The following CIAO3 variants were observed in gnomAD, a reference collection of about 807,000 sequenced individuals.
CIAO3 encodes cytosolic iron-sulfur assembly component 3, also known as LET1 like/JFP15.
In CIAO3, 45 loss-of-function variants were observed where a neutral mutation model predicts 51.5. The observed-to-expected ratio is 0.87, with a 90% confidence interval of 0.69 to 1.12. The LOEUF is 1.12. CIAO3 is among the 50% of genes most tolerant of loss of function. The pLI is 0.00. For synonymous variants in CIAO3, 314 were observed against 269.3 expected (o/e 1.17, Z -1.63); for missense variants, 668 against 632.5 (o/e 1.06, Z -0.60).
intron 3 of CIAO3, 67 bp from the exon 4 acceptor site, chr16:736,465 G>A (rs914713854): frequency 5.8e-5 from 93 of 1,595,000 alleles, no homozygotes; most frequent in Admixed American, 2.4e-4. Flanking sequence ...GGCCAGAGCC[G>A]CACGGTGAGA....
chr16:737,498 G>A lies in CIAO3; in HGVS notation c.163-169C>T, dbSNP rs1008339325. On this transcript the variant is annotated intron_variant, in intron 2 of 10. Coordinates refer to ENST00000251588, the MANE Select transcript of CIAO3 (RefSeq NM_022493.3). The surrounding 1 kb of genome is among the most constrained non-coding windows in gnomAD (Gnocchi z 5.3). ...ATGTATTACAAAAATGCACACGCAC[G>A]CTCTACAGTTTCATAATGCCGTCAA... is the stretch of plus-strand genomic sequence containing the variant. 52 of 1,521,032 alleles carry A rather than the reference G, an allele frequency of 3.4e-5. No homozygotes were observed. The highest frequency in any genetic ancestry group is 1.0e-4 in the Admixed American group (5 of 49,550). The allele number at this position is 1,521,032 out of a possible 1,614,324, so 94.2% of individuals were successfully genotyped here. A position where few individuals can be genotyped will look rare whatever the true frequency, so the allele number is the denominator to read the frequency against.
chr16:731,735 G>A (rs922421409), intron 8 of CIAO3, 33 bp from the exon 9 acceptor site: 2 of 1,512,562 alleles, frequency 1.3e-6, no homozygotes, highest in Admixed American at 4.1e-5. Context: ...AGCACAGCTG[G>A]GGCTGCTGCC....
chr16:735,819 C>T (rs1456047810), intron 4 of CIAO3, among the ~76,000 whole-genome samples: 1 of 152,176 alleles, frequency 6.6e-6, no homozygotes, highest in East Asian at 1.9e-4. Flanking sequence ...GTGAAAGGCA[C>T]ACAGTAACCA....
rs553064085 is a variant in CIAO3 at position 736,643 on chromosome 16, G to A, written c.307-245C>T. 1.3e-3 allele frequency among the ~76,000 whole-genome samples: 195 copies of A among 152,134 alleles called. 1 individual carries two copies. Among genetic ancestry groups the A allele is most frequent in the African/African-American group, 4.5e-3 (187 of 41,488 alleles). ...AGCCTCCTGGGTAGATGGGATTACA[G>A]GCGTGAACCACCGTGCCTGGCCAAG... On this transcript the variant is annotated intron_variant, in intron 3 of 10. Coordinates refer to ENST00000251588, the MANE Select transcript of CIAO3 (RefSeq NM_022493.3).
intron 9 of CIAO3, 142 bp downstream of exon 9, chr16:731,422 TG>T: frequency 1.7e-6 from 2 of 1,208,940 alleles, no homozygotes; most frequent in Non-Finnish European, 2.2e-6. Context: ...GGGCCCTGCC[TG>T]GCCCCAGGGT....
At position 740,692 on chromosome 16, in the gene CIAO3, C is replaced by T. The variant is rs868864978; in HGVS notation, c.66+228G>A. On this transcript the variant is annotated intron_variant, in intron 1 of 10. Transcript: ENST00000251588. ...GCCCGGACACCATGGGGCACAGGAGCGGGTTGGGGGGCGCCGCCCTCCCTG... is the reference window on the plus strand; with the variant it reads ...GCCCGGACACCATGGGGCACAGGAGTGGGTTGGGGGGCGCCGCCCTCCCTG... 10 of 549,538 alleles carry T rather than the reference C, an allele frequency of 1.8e-5. No homozygotes were observed. In the South Asian group the frequency reaches 2.1e-4, roughly 12 times the overall value. 34.0% of individuals were successfully genotyped at this position (549,538 alleles called of 1,614,324 possible). A position where few individuals can be genotyped will look rare whatever the true frequency, so the allele number is the denominator to read the frequency against.
Position 737,132 on chromosome 16 carries a change from C to T in CIAO3, c.306+54G>A. 6.2e-7 allele frequency: 1 copy of T among 1,604,310 alleles called. No individual in the cohort carries two copies. Among genetic ancestry groups the T allele is most frequent in the South Asian group, 1.1e-5 (1 of 90,936 alleles). On this transcript the variant is annotated intron_variant, in intron 3 of 10. Coordinates refer to ENST00000251588, the MANE Select transcript of CIAO3 (RefSeq NM_022493.3). This position sits in a 1 kb window ranked among gnomAD's most constrained non-coding sequence, Gnocchi z 5.3. ...TGCCCTTGGCAAAACGCGTTGTCGG[C>T]TGCTGGGATGGATTTCAGGTTAAAG...
intron 7 of CIAO3, chr16:732,829 G>T (rs1035499332): frequency 9.2e-6 from 3 of 325,898 alleles, no homozygotes; most frequent in South Asian, 2.6e-5. Context: ...GTAGACATGG[G>T]GTTTCATCAT....
intron 5 of CIAO3, 177 bp downstream of exon 5, chr16:734,560 C>T (rs192751249): frequency 2.5e-5 from 30 of 1,211,982 alleles, no homozygotes; most frequent in African/African-American, 1.9e-4. Context: ...GTGGCTCCCA[C>T]GGGAGGGCAG....
chr16:735,313 C>T (rs1463993810), intron 4 of CIAO3: 2 of 164,522 alleles, frequency 1.2e-5, no homozygotes, highest in African/African-American at 4.8e-5. Context: ...CAGCAGGACT[C>T]CTGGAACACG....
chr16:730,205 C>G lies in CIAO3; in HGVS notation c.*212G>C, dbSNP rs76524129. On this transcript the variant is annotated 3_prime_UTR_variant, in exon 11 of 11. Coordinates refer to ENST00000251588, the MANE Select transcript of CIAO3 (RefSeq NM_022493.3). ...GAACCTTCTGCTGCCTGGGCCACCC[C>G]ACCCCACCTGGGCAGAGCCAGTGGG... The G allele has an allele frequency of 2.9e-3, 1,744 of 602,218 alleles. 27 individuals are homozygous for G. The highest frequency in any genetic ancestry group is 0.029 in the African/African-American group (1,546 of 54,002). The allele number at this position is 602,218 out of a possible 1,614,324, so 37.3% of individuals were successfully genotyped here. A position where few individuals can be genotyped will look rare whatever the true frequency, so the allele number is the denominator to read the frequency against.
chr16:738,448 A>C (rs1201486953), intron 2 of CIAO3: 7 of 522,932 alleles, frequency 1.3e-5, no homozygotes, highest in African/African-American at 4.3e-5. Flanking sequence ...TCCCAGGCTC[A>C]CGCCATTCTC....
chr16:739,199 T>C (rs183944482), intron 2 of CIAO3: 1,962 of 162,594 alleles, frequency 0.012, 27 homozygotes, highest in Non-Finnish European at 0.02. Flanking sequence ...CTCGGGAGGC[T>C]GAGGCAGGAG....
Position 737,835 on chromosome 16 carries a change from G to C in CIAO3, c.163-506C>G. 8.4e-7 allele frequency: 1 copy of C among 1,188,288 alleles called. No individual in the cohort carries two copies. Among genetic ancestry groups the C allele is most frequent in the Non-Finnish European group, 1.1e-6 (1 of 940,338 alleles). The allele number at this position is 1,188,288 out of a possible 1,614,324, so 73.6% of individuals were successfully genotyped here. Reference sequence around the variant, plus strand: ...CAACCGTCAGACTCGCCAAACAGATGCAGGAACAAGGTGTTCCAGTCGGGG... The same window carrying C: ...CAACCGTCAGACTCGCCAAACAGATCCAGGAACAAGGTGTTCCAGTCGGGG... On this transcript the variant is annotated intron_variant, in intron 2 of 10. Coordinates refer to ENST00000251588, the MANE Select transcript of CIAO3 (RefSeq NM_022493.3). The surrounding 1 kb of genome is among the most constrained non-coding windows in gnomAD (Gnocchi z 5.3).
At chr16:733,832 C>T (rs1333800596) in intron 6 of CIAO3, 1 of 361,138 alleles carries the variant, frequency 2.8e-6, no homozygotes, top group East Asian at 7.0e-5. Flanking sequence ...GGCCCAGGCA[C>T]CACCGGGGCC....
At chr16:733,539 C>T in intron 6 of CIAO3, 112 bp from the exon 7 acceptor site, 1 of 1,502,440 alleles carries the variant, frequency 6.7e-7, no homozygotes, top group Non-Finnish European at 9.0e-7. Context: ...GACAGTGAGC[C>T]TCACTCCATT....
chr16:734,729 G>A lies in CIAO3; in HGVS notation c.574+8C>T, dbSNP rs887651206. On this transcript the variant is annotated splice_region_variant and intron_variant, in intron 5 of 10. Coordinates refer to ENST00000251588, the MANE Select transcript of CIAO3 (RefSeq NM_022493.3). ...TTGACTCTCCCACCACCCGCACCAT[G>A]AGCACACCTGGGCAGGCAGAGGCCA... is the stretch of plus-strand genomic sequence containing the variant. 5 of 1,612,746 alleles carry A rather than the reference G, an allele frequency of 3.1e-6. No homozygotes were observed. Among genetic ancestry groups the A allele is most frequent in the Non-Finnish European group, 2.5e-6 (3 of 1,179,852 alleles).
At chr16:740,682 G>T in intron 1 of CIAO3, 1 of 545,966 alleles carries the variant, frequency 1.8e-6, no homozygotes, top group Non-Finnish European at 3.2e-6. Context: ...GACACCATGG[G>T]GCACAGGAGC....
chr16:739,810 G>A, intron 1 of CIAO3, 72 bp from the exon 2 acceptor site: 1 of 1,486,602 alleles, frequency 6.7e-7, no homozygotes, highest in Admixed American at 1.7e-5. Context: ...AGGCCTCAAG[G>A]ATGGCTGCCC....
Sources: allele counts gnomAD v4.1 joint callset (sites outside exome capture counted in the v4.1 genomes callset), GRCh38; gene constraint gnomAD v4.1.1; non-coding constraint Gnocchi (gnomAD v3.1); transcripts MANE v1.5; gene names NCBI Gene and HGNC (gene_info 2026-07-23, HGNC 2026-07-21).